The following MAP3K1 variants were observed in gnomAD, a reference collection of about 807,000 sequenced individuals.
MAP3K1 encodes mitogen-activated protein kinase kinase kinase 1, also known as MAP/ERK kinase kinase 1.
A neutral mutation model predicts 144.2 loss-of-function variants in MAP3K1; 36 were observed. The ratio of observed to expected loss-of-function variants is 0.25; its 90% CI spans 0.19 to 0.33. MAP3K1 has a LOEUF of 0.33. Among genes scored for constraint, MAP3K1 ranks in the 10% least tolerant of loss-of-function variants. The pLI, the probability that MAP3K1 is intolerant of heterozygous loss-of-function variation, is 1.00. For missense variants in MAP3K1, 1,650 were observed against 1,881.9 expected, an observed-to-expected ratio of 0.88 and a Z score of 2.28; for synonymous variants, 718 against 688.7, an observed-to-expected ratio of 1.04 and a Z score of -0.67.
intron 14 of MAP3K1, among the ~76,000 whole-genome samples, 190 bp downstream of exon 14, chr5:56,883,056 A>G (rs955850019): frequency 4.6e-5 from 7 of 152,094 alleles, no homozygotes; most frequent in Non-Finnish European, 1.0e-4. Context: ...CAGGCATGAT[A>G]GTGTACACCT....
chr5:56,848,307 A>G (rs1038858152), intron 1 of MAP3K1, among the ~76,000 whole-genome samples: 1 of 152,204 alleles, frequency 6.6e-6, no homozygotes, highest in African/African-American at 2.4e-5. Flanking sequence ...AGTTACTTAC[A>G]TATCCCTAGA....
chr5:56,865,698 T>A, intron 5 of MAP3K1, 131 bp from the exon 6 acceptor site: 1 of 1,017,388 alleles, frequency 9.8e-7, no homozygotes, highest in Non-Finnish European at 1.5e-6. Context: ...TAATGTGTTC[T>A]TATTTTTGAA....
In MAP3K1 at chr5:56,894,556, C is replaced by T. The variant is rs962822076; in HGVS notation, c.*876C>T. 4.3e-6 allele frequency: 1 copy of T among 232,486 alleles called. No homozygotes were observed. Among genetic ancestry groups the T allele is most frequent in the African/African-American group, 2.2e-5 (1 of 45,292 alleles). 14.4% of individuals were successfully genotyped at this position (232,486 alleles called of 1,614,324 possible). On this transcript the variant is annotated 3_prime_UTR_variant, in exon 20 of 20. Coordinates refer to ENST00000399503, the MANE Select transcript of MAP3K1 (RefSeq NM_005921.2). ...AAGTTAACTAAAAATAAACTGTCCT[C>T]TCTGGTGCAACTCACAACCAAGATC... is the stretch of plus-strand genomic sequence containing the variant.
chr5:56,862,830 A>G (rs1330004998), intron 3 of MAP3K1, among the ~76,000 whole-genome samples: 1 of 152,072 alleles, frequency 6.6e-6, no homozygotes, highest in Non-Finnish European at 1.5e-5. Context: ...TTGATGTGTA[A>G]TTCATCTACT....
At chr5:56,870,865 G>A (rs1198814785) in intron 6 of MAP3K1, among the ~76,000 whole-genome samples, 1 of 151,954 alleles carries the variant, frequency 6.6e-6, no homozygotes, top group Non-Finnish European at 1.5e-5. Flanking sequence ...AGGATTTTTA[G>A]GTCATGAATA....
At chr5:56,883,338 G>C (rs1467961734) in intron 14 of MAP3K1, among the ~76,000 whole-genome samples, 189 bp from the exon 15 acceptor site, 1 of 152,204 alleles carries the variant, frequency 6.6e-6, no homozygotes, top group Non-Finnish European at 1.5e-5. Context: ...TTGCCTATGG[G>C]CATTTCCGGT....
intron 1 of MAP3K1, chr5:56,820,895 A>G (rs1746134616): frequency 3.3e-6 from 2 of 601,340 alleles, no homozygotes; most frequent in Non-Finnish European, 4.2e-6. Context: ...GGGATACAAC[A>G]TATTAGTTTC....
intron 1 of MAP3K1, among the ~76,000 whole-genome samples, chr5:56,816,604 C>CG (rs1026649259): frequency 2.0e-5 from 3 of 152,068 alleles, no homozygotes; most frequent in African/African-American, 7.2e-5. Context: ...TCGGCCCGCC[C>CG]GGGACTCGAG....
intron 1 of MAP3K1, among the ~76,000 whole-genome samples, chr5:56,852,582 T>A (rs1747208243): frequency 6.6e-6 from 1 of 152,248 alleles, no homozygotes; most frequent in South Asian, 2.1e-4. Context: ...TAAGTTTCTC[T>A]TATTTTTCTG....
At chr5:56,840,069 TAAAGTC>T in intron 1 of MAP3K1, among the ~76,000 whole-genome samples, 2 of 152,370 alleles carry the variant, frequency 1.3e-5, no homozygotes, top group Admixed American at 1.3e-4. Context: ...AAGTTGGTTT[TAAAGTC>T]AAAGTTTCTC....
At chr5:56,865,779 T>C in intron 5 of MAP3K1, 50 bp from the exon 6 acceptor site, 1 of 1,579,672 alleles carries the variant, frequency 6.3e-7, no homozygotes, top group South Asian at 1.1e-5. Context: ...ACTCTTCATA[T>C]GTATAATTAT....
chr5:56,839,380 G>A (rs1561171030), intron 1 of MAP3K1, among the ~76,000 whole-genome samples: 1 of 152,170 alleles, frequency 6.6e-6, no homozygotes, highest in Non-Finnish European at 1.5e-5. Flanking sequence ...TTTAAAAGAG[G>A]TGGACTGTAT....
intron 1 of MAP3K1, among the ~76,000 whole-genome samples, chr5:56,829,832 T>G (rs756960332): frequency 4.6e-5 from 7 of 152,192 alleles, no homozygotes; most frequent in Non-Finnish European, 8.8e-5. Context: ...ATAAGGCAGC[T>G]AAGCTGTCAT....
intron 1 of MAP3K1, among the ~76,000 whole-genome samples, chr5:56,825,950 C>T (rs1746298633): frequency 6.6e-6 from 1 of 151,926 alleles, no homozygotes; most frequent in African/African-American, 2.4e-5. Context: ...GTTTTAGTCC[C>T]TCAACTGACC....
At chr5:56,838,583 T>A (rs111529174) in intron 1 of MAP3K1, among the ~76,000 whole-genome samples, 7 of 152,358 alleles carry the variant, frequency 4.6e-5, no homozygotes, top group African/African-American at 1.7e-4. Flanking sequence ...AGTGGGCAGA[T>A]GACATCTTTG....
In MAP3K1 at chr5:56,895,369, T is replaced by TG. The variant is rs1748674326; in HGVS notation, c.*1689_*1690insG. The TG allele has an allele frequency of 1.1e-5, 2 of 189,904 alleles. No homozygotes were observed. The highest frequency in any genetic ancestry group is 1.5e-4 in the Admixed American group (2 of 13,000). 11.8% of individuals were successfully genotyped at this position (189,904 alleles called of 1,614,324 possible). On this transcript the variant is annotated 3_prime_UTR_variant, in exon 20 of 20. Transcript: ENST00000399503. Reference sequence around the variant, plus strand: ...ACTTGACTTTCTTTTTTATTTTGTTTTTTTTTTTTTTTGACTACTTAGAAT... The same window carrying TG: ...ACTTGACTTTCTTTTTTATTTTGTTTGTTTTTTTTTTTTGACTACTTAGAAT...
rs1747643802 is a variant in MAP3K1 at position 56,865,336 on chromosome 5, T to C, written c.1036-4T>C. On this transcript the variant is annotated splice_region_variant and splice_polypyrimidine_tract_variant and intron_variant, in intron 4 of 19. Coordinates refer to ENST00000399503, the MANE Select transcript of MAP3K1 (RefSeq NM_005921.2). The stretch of plus-strand genomic sequence containing the variant: ...ACCTATAGGTTTTCTTTTTAACTCT[T>C]TAGAACTGCAGCTGTGCACGTGGAA... The C allele has an allele frequency of 6.4e-7, 1 of 1,565,598 alleles. No individual in the cohort carries two copies. Among genetic ancestry groups the C allele is most frequent in the East Asian group, 2.2e-5 (1 of 44,522 alleles).
chr5:56,878,387 A>G (rs912157470), intron 10 of MAP3K1, among the ~76,000 whole-genome samples: 8 of 152,136 alleles, frequency 5.3e-5, no homozygotes, highest in South Asian at 4.1e-4. Flanking sequence ...CCACCATGGC[A>G]TGTGTGTACC....
chr5:56,815,621 C>A lies in MAP3K1; in HGVS notation c.48C>A (p.Gly16=). 2 of 1,312,102 alleles carry A rather than the reference C, an allele frequency of 1.5e-6. No individual in the cohort carries two copies. Among genetic ancestry groups the A allele is most frequent in the African/African-American group, 1.5e-5 (1 of 64,752 alleles). The allele number at this position is 1,312,102 out of a possible 1,614,324, so 81.3% of individuals were successfully genotyped here. A position where few individuals can be genotyped will look rare whatever the true frequency, so the allele number is the denominator to read the frequency against. The part of the protein sequence containing the change: ...GNRASSSGFP[G]ARATSPEAGG... ...GCGCCTCGTCGTCGGGATTCCCGGG[C>A]GCCAGGGCTACGAGCCCTGAGGCAG... Residue 16 remains glycine (G), a synonymous_variant, in exon 1 of 20, where the codon GGC becomes GGA. Coordinates refer to ENST00000399503, the MANE Select transcript of MAP3K1 (RefSeq NM_005921.2).
Sources: gnomAD v4.1 joint callset for allele counts (sites outside exome capture counted in the v4.1 genomes callset) on GRCh38, gnomAD v4.1.1 for gene constraint, MANE v1.5 for transcripts, NCBI Gene and HGNC (gene_info 2026-07-23, HGNC 2026-07-21) for gene names.